Variants in CACNA1B observed in about 807,000 individuals in gnomAD.
CACNA1B encodes the protein voltage-dependent N-type calcium channel subunit alpha-1B.
Under a neutral mutation model 247.2 loss-of-function variants are expected in CACNA1B, and 70 were observed. The observed-to-expected ratio is 0.28, with a 90% CI of 0.23 to 0.35. The LOEUF (loss-of-function observed/expected upper bound fraction) is 0.35. CACNA1B is among the 10% of genes least tolerant of loss of function. The pLI, the probability that CACNA1B is intolerant of heterozygous loss-of-function variation, is 1.00. For synonymous variants in CACNA1B, 1,231 were observed against 1,294.4 expected, an observed-to-expected ratio of 0.95 and a Z score of 1.05; for missense variants, 2,367 against 3,197.4, an observed-to-expected ratio of 0.74 and a Z score of 6.26.
At chr9:138,031,608 C>T (rs1958989177) in intron 20 of CACNA1B, among the ~76,000 whole-genome samples, 1 of 152,214 alleles carries the variant, frequency 6.6e-6, no homozygotes, top group African/African-American at 2.4e-5. Flanking sequence ...GATATTCAGT[C>T]TCCAGCTGTA....
At chr9:138,017,923 G>C (rs1246800730) in intron 18 of CACNA1B, among the ~76,000 whole-genome samples, 1 of 121,746 alleles carries the variant, frequency 8.2e-6, no homozygotes, top group Admixed American at 7.5e-5. Context: ...CACCTGCCCT[G>C]ATGGAAGTGG....
Position 137,888,308 on chromosome 9 carries a change from T to A in CACNA1B, c.530+5425T>A, listed in dbSNP as rs1957045641. ...CTTCCGTGCCCCAGCCAGTCTCACG[T>A]GCATCCACGCTCCCAGTCCTGTCCC... On this transcript the variant is annotated intron_variant, in intron 3 of 46. Coordinates refer to ENST00000371372, the MANE Select transcript of CACNA1B (RefSeq NM_000718.4). The surrounding 1 kb of genome is among the most constrained non-coding windows in gnomAD (Gnocchi z 4.7). Among the ~76,000 whole-genome samples, 1 of 151,820 alleles carries A rather than the reference T, an allele frequency of 6.6e-6. No homozygotes were observed. The highest frequency in any genetic ancestry group is 1.5e-5 in the Non-Finnish European group (1 of 67,852).
At chr9:137,903,453 G>A (rs527986612) in intron 3 of CACNA1B, among the ~76,000 whole-genome samples, 1 of 152,290 alleles carries the variant, frequency 6.6e-6, no homozygotes, top group Non-Finnish European at 1.5e-5. Flanking sequence ...CGCATCAGTG[G>A]TCTCTCTCTG....
intron 31 of CACNA1B, among the ~76,000 whole-genome samples, chr9:138,063,206 C>T (rs568549307): frequency 2.6e-5 from 4 of 151,556 alleles, no homozygotes; most frequent in African/African-American, 4.9e-5. Flanking sequence ...AGGCAGGGAA[C>T]GTCTTGGGCA....
At chr9:137,993,680 G>A (rs367821551) in intron 15 of CACNA1B, among the ~76,000 whole-genome samples, 2 of 152,214 alleles carry the variant, frequency 1.3e-5, no homozygotes, top group East Asian at 1.9e-4. Context: ...GACCAGTAAC[G>A]AGTAGCGAGA....
chr9:138,043,084 T>A (rs958940673), intron 20 of CACNA1B, among the ~76,000 whole-genome samples: 22 of 152,314 alleles, frequency 1.4e-4, no homozygotes, highest in African/African-American at 5.3e-4. Flanking sequence ...CAACAAAATT[T>A]ACCTAAAAAA....
intron 6 of CACNA1B, among the ~76,000 whole-genome samples, chr9:137,939,814 A>G: frequency 8.5e-6 from 1 of 117,710 alleles, no homozygotes; most frequent in East Asian, 2.9e-4. Flanking sequence ...AAATAAATAA[A>G]TAAATAAATA....
Position 137,882,702 on chromosome 9 carries a change from G to A in CACNA1B, c.391-42G>A, listed in dbSNP as rs151306816. The A allele has an allele frequency of 3.7e-6, 6 of 1,611,976 alleles. No homozygotes were observed. The highest frequency in any genetic ancestry group is 3.4e-6 in the Non-Finnish European group (4 of 1,178,374). ...AACCGTCTCTGCCCGCTACTACACCGGGTAGGGGCCAGGGGTGACCACTGT... is the reference window on the plus strand; with the variant it reads ...AACCGTCTCTGCCCGCTACTACACCAGGTAGGGGCCAGGGGTGACCACTGT... On this transcript the variant is annotated intron_variant, in intron 2 of 46. Coordinates refer to ENST00000371372, the MANE Select transcript of CACNA1B (RefSeq NM_000718.4). This position sits in a 1 kb window ranked among gnomAD's most constrained non-coding sequence, Gnocchi z 4.0.
At chr9:138,096,732 C>T (rs1251517399) in intron 37 of CACNA1B, 121 bp downstream of exon 37, 2 of 907,056 alleles carry the variant, frequency 2.2e-6, no homozygotes, top group Admixed American at 2.6e-5. Context: ...GGTTTGGGGC[C>T]TAGGGATCTG....
chr9:137,937,277 A>G (rs1957679184), intron 6 of CACNA1B, among the ~76,000 whole-genome samples: 1 of 152,156 alleles, frequency 6.6e-6, no homozygotes, highest in Non-Finnish European at 1.5e-5. Context: ...ATGCACTTAG[A>G]GAAATGTAAA....
chr9:137,879,210 C>T, intron 2 of CACNA1B, 51 bp downstream of exon 2: 1 of 1,189,326 alleles, frequency 8.4e-7, no homozygotes, highest in South Asian at 1.3e-5. Flanking sequence ...GCCGCGACTC[C>T]ACTTTCCTTT....
chr9:138,033,174 T>G (rs1450720694), intron 20 of CACNA1B, among the ~76,000 whole-genome samples: 1 of 152,216 alleles, frequency 6.6e-6, no homozygotes, highest in Non-Finnish European at 1.5e-5. Flanking sequence ...GTGGAGCCCA[T>G]CTATTGATTT....
At chr9:137,938,772 C>T (rs1957698030) in intron 6 of CACNA1B, among the ~76,000 whole-genome samples, 1 of 152,082 alleles carries the variant, frequency 6.6e-6, no homozygotes, top group Non-Finnish European at 1.5e-5. Context: ...TACTAGTAGA[C>T]CTAAGATATG....
intron 36 of CACNA1B, among the ~76,000 whole-genome samples, chr9:138,090,194 C>T (rs1564281317): frequency 6.6e-6 from 1 of 152,002 alleles, no homozygotes; most frequent in Admixed American, 6.6e-5. Flanking sequence ...ATGGTACTGG[C>T]ATAAAAACAG....
rs201807627 is a variant in CACNA1B at position 138,121,652 on chromosome 9, C to T, written c.6673C>T (p.Pro2225Ser). 7.4e-6 allele frequency: 12 copies of T among 1,613,070 alleles called. No homozygotes were observed. Among genetic ancestry groups the T allele is most frequent in the Admixed American group, 1.7e-5 (1 of 59,994 alleles). ...TCAGACCAGCCTCCCTGCCTTCTCC[C>T]CAGGCCGGCTCAGCCGTGGGCTTTC... ...GAQTSLPAFS[P>S]GRLSRGLSEH... The change falls in exon 47 of 47, where the codon CCA becomes TCA. Residue 2225 changes from proline to serine, a missense_variant. Physicochemically the swap from Pro to Ser is moderately conservative, Grantham distance 74. This residue lies in a region of CACNA1B where 773 missense variants were observed against 779.4 expected (regional missense o/e 0.99). Transcript: ENST00000371372. This position sits in a 1 kb window ranked among gnomAD's most constrained non-coding sequence, Gnocchi z 6.8.
At chr9:138,067,572 G>A (rs972152627) in intron 31 of CACNA1B, among the ~76,000 whole-genome samples, 9 of 152,214 alleles carry the variant, frequency 5.9e-5, no homozygotes, top group Non-Finnish European at 1.3e-4. Flanking sequence ...GATGGCGCAC[G>A]CCTGTAATTC....
chr9:137,896,777 A>C (rs1957178168), intron 3 of CACNA1B, among the ~76,000 whole-genome samples: 1 of 151,894 alleles, frequency 6.6e-6, no homozygotes, highest in Non-Finnish European at 1.5e-5. Context: ...GGAGCTTTCA[A>C]GTTACGCATT....
rs1048110422 is a variant in CACNA1B, at chr9:137,973,454, A to G, written c.1543+1862A>G. Among the ~76,000 whole-genome samples, 1 of 152,172 alleles carries G rather than the reference A, an allele frequency of 6.6e-6. No homozygotes were observed. The highest frequency in any genetic ancestry group is 2.4e-5 in the African/African-American group (1 of 41,448). On this transcript the variant is annotated intron_variant, in intron 11 of 46. Coordinates refer to ENST00000371372, the MANE Select transcript of CACNA1B (RefSeq NM_000718.4). This position sits in a 1 kb window ranked among gnomAD's most constrained non-coding sequence, Gnocchi z 4.1. ...TCCATTCTCCAAGGACCTGCCCTCA[A>G]TGCATTGCCAGAACCTTCAAAATTG... is the stretch of plus-strand genomic sequence containing the variant.
At chr9:138,105,382 A>G (rs1961385624) in intron 38 of CACNA1B, among the ~76,000 whole-genome samples, 1 of 152,198 alleles carries the variant, frequency 6.6e-6, no homozygotes, top group African/African-American at 2.4e-5. Flanking sequence ...ACACTCCTAC[A>G]TTCAGCCACA....
Sources: allele counts gnomAD v4.1 joint callset (sites outside exome capture counted in the v4.1 genomes callset), GRCh38; gene constraint gnomAD v4.1.1; regional missense constraint gnomAD v4.1.1; non-coding constraint Gnocchi (gnomAD v3.1); transcripts MANE v1.5; gene names NCBI Gene and HGNC (gene_info 2026-07-23, HGNC 2026-07-21).